SPIRE2: variants seen among roughly 807,000 people sequenced by gnomAD.
The protein encoded by SPIRE2 is protein spire homolog 2.
In SPIRE2, 76 loss-of-function variants were observed where a neutral mutation model predicts 80.7. That is an observed-to-expected ratio of 0.94 (90% CI 0.78 to 1.14). The LOEUF (loss-of-function observed/expected upper bound fraction) is 1.14, where lower values mean the gene tolerates loss of function less well. Ranked by LOEUF, SPIRE2 falls within the 50% of genes most tolerant of loss-of-function variation. The probability of loss-of-function intolerance (pLI) is 0.00; values close to 1 mark genes in which losing one functional copy is unlikely to be tolerated. For synonymous variants in SPIRE2, 535 were observed against 432.6 expected, an observed-to-expected ratio of 1.24 and a Z score of -2.94; for missense variants, 1,196 against 1,015.3, an observed-to-expected ratio of 1.18 and a Z score of -2.42.
At chr16:89,839,734 C>T (rs773097634) in intron 1 of SPIRE2, among the ~76,000 whole-genome samples, 45 of 152,330 alleles carry the variant, frequency 3.0e-4, no homozygotes, top group Non-Finnish European at 5.9e-4. Flanking sequence ...TGAGGTCTTC[C>T]TCTGGGGGTG....
intron 1 of SPIRE2, among the ~76,000 whole-genome samples, chr16:89,837,160 A>G (rs1391577184): frequency 6.6e-6 from 1 of 152,094 alleles, no homozygotes; most frequent in Non-Finnish European, 1.5e-5. Context: ...AGGCCTGTTA[A>G]ATCCAGATCC....
In SPIRE2 at chr16:89,850,496, G is replaced by A. The variant is rs775449867; in HGVS notation, c.481G>A (p.Val161Ile). The A allele has an allele frequency of 5.6e-5, 85 of 1,528,308 alleles. No homozygotes were observed. The highest frequency in any genetic ancestry group is 1.7e-4 in the Middle Eastern group (1 of 5,872). 94.7% of individuals were successfully genotyped at this position (1,528,308 alleles called of 1,614,324 possible). A position where few individuals can be genotyped will look rare whatever the true frequency, so the allele number is the denominator to read the frequency against. ...CGAGGAGGAGGAGGAGGCCGAGGGC[G>A]TCCCCCGCAGCGTGCGCACCTTTGC... ...GPEEEEEAEG[V>I]PRSVRTFAQA... Residue 161 changes from valine (V) to isoleucine (I), a missense_variant, in exon 3 of 15, where the codon GTC becomes ATC. Val to Ile is a conservative substitution (Grantham distance 29, BLOSUM62 3). Transcript: ENST00000378247.
chr16:89,835,828 G>A lies in SPIRE2; in HGVS notation c.244+7034G>A, dbSNP rs568026523. On this transcript the variant is annotated intron_variant, in intron 1 of 14. Coordinates refer to ENST00000378247, the MANE Select transcript of SPIRE2 (RefSeq NM_032451.2). ...ATTCCAAAGACCCCTTCATTCCAGC[G>A]CGTGTGTCTCTCTGGGACTGAGGAG... Among the ~76,000 whole-genome samples the A allele has an allele frequency of 6.5e-4, 99 of 152,252 alleles. No homozygotes were observed. The Middle Eastern group carries it at 0.014, about 21-fold the overall frequency.
Position 89,850,625 on chromosome 16 carries a change from C to T in SPIRE2, c.610C>T (p.Arg204Trp), listed in dbSNP as rs1393375534. 8 of 1,345,358 alleles carry T rather than the reference C, an allele frequency of 5.9e-6. No homozygotes were observed. Among genetic ancestry groups the T allele is most frequent in the African/African-American group, 3.0e-5 (2 of 66,026 alleles). The allele number at this position is 1,345,358 out of a possible 1,614,324, so 83.3% of individuals were successfully genotyped here. A position where few individuals can be genotyped will look rare whatever the true frequency, so the allele number is the denominator to read the frequency against. The change falls in exon 3 of 15, where the codon CGG becomes TGG. Residue 204 changes from arginine to tryptophan, a missense_variant. Coordinates refer to ENST00000378247, the MANE Select transcript of SPIRE2 (RefSeq NM_032451.2). ...RALFVETLEL[R>W]AFLARVREAK... ...GCTCTTCGTGGAGACGCTGGAGCTG[C>T]GGGCCTTCCTGGCCAGGGTCCGGGA...
chr16:89,857,364 G>A (rs1033035879), intron 7 of SPIRE2, among the ~76,000 whole-genome samples: 2 of 151,318 alleles, frequency 1.3e-5, no homozygotes, highest in African/African-American at 2.4e-5. Flanking sequence ...TTGAACTCGT[G>A]GGCTCAAGTG....
chr16:89,868,652 A>G (rs1451263969), intron 13 of SPIRE2, among the ~76,000 whole-genome samples: 3 of 152,042 alleles, frequency 2.0e-5, no homozygotes, highest in Admixed American at 1.3e-4. Flanking sequence ...GGACCACTTG[A>G]GACCAGCCTG....
chr16:89,828,728 C>T lies in SPIRE2; in HGVS notation c.178C>T (p.Arg60Trp), dbSNP rs1369956266. 4.0e-6 allele frequency: 5 copies of T among 1,243,344 alleles called. No homozygotes were observed. The highest frequency in any genetic ancestry group is 6.1e-5 in the South Asian group (2 of 32,822). The allele number at this position is 1,243,344 out of a possible 1,614,324, so 77.0% of individuals were successfully genotyped here. ...GCGGGGCTCGCCGGGCCGGCGCCTGCGGGATACCGGGGACCTCCTGCTGCG... is the reference window on the plus strand; with the variant it reads ...GCGGGGCTCGCCGGGCCGGCGCCTGTGGGATACCGGGGACCTCCTGCTGCG... ...GLRGSPGRRL[R>W]DTGDLLLRGD... Residue 60 changes from arginine to tryptophan, a missense_variant, in exon 1 of 15, where the codon CGG becomes TGG. Arg to Trp is a moderately radical substitution (Grantham distance 101, BLOSUM62 -3). Coordinates refer to ENST00000378247, the MANE Select transcript of SPIRE2 (RefSeq NM_032451.2). This position sits in a 1 kb window ranked among gnomAD's most constrained non-coding sequence, Gnocchi z 5.9.
rs369534032 is a variant in SPIRE2 at position 89,830,617 on chromosome 16, A to G, written c.244+1823A>G. Among the ~76,000 whole-genome samples the G allele has an allele frequency of 2.0e-5, 3 of 151,184 alleles. No homozygotes were observed. The East Asian group carries it at 5.8e-4, about 29-fold the overall frequency. On this transcript the variant is annotated intron_variant, in intron 1 of 14. Coordinates refer to ENST00000378247, the MANE Select transcript of SPIRE2 (RefSeq NM_032451.2). ...TGTAGATATCAATAGGAAAACATCCAATCTCACTTGTTGGCATTGTAGTCT... is the reference window on the plus strand; with the variant it reads ...TGTAGATATCAATAGGAAAACATCCGATCTCACTTGTTGGCATTGTAGTCT...
chr16:89,861,499 C>G (rs573909346), intron 10 of SPIRE2, among the ~76,000 whole-genome samples: 4 of 152,298 alleles, frequency 2.6e-5, no homozygotes, highest in Admixed American at 2.0e-4. Flanking sequence ...TAGCCTAGGT[C>G]GTATCCCACC....
intron 1 of SPIRE2, among the ~76,000 whole-genome samples, chr16:89,834,723 C>T (rs548362086): frequency 1.1e-4 from 13 of 115,228 alleles, no homozygotes; most frequent in East Asian, 2.5e-4. Flanking sequence ...AAGCATAGCC[C>T]GTGTGAATCT....
intron 9 of SPIRE2, among the ~76,000 whole-genome samples, chr16:89,859,833 C>T (rs1597222082): frequency 1.3e-5 from 2 of 152,160 alleles, no homozygotes; most frequent in African/African-American, 4.8e-5. Context: ...GAGGGCTGAA[C>T]TTTACGGAGA....
chr16:89,832,924 C>T (rs536962050), intron 1 of SPIRE2, among the ~76,000 whole-genome samples: 126 of 151,474 alleles, frequency 8.3e-4, no homozygotes, highest in African/African-American at 2.8e-3. Context: ...TGAGTTCAAG[C>T]GATTCTCCTG....
intron 5 of SPIRE2, among the ~76,000 whole-genome samples, chr16:89,854,918 C>A (rs1283801611): frequency 6.6e-6 from 1 of 150,626 alleles, no homozygotes; most frequent in African/African-American, 2.4e-5. Flanking sequence ...CCCTGGAGGC[C>A]ACAAGAGCCA....
chr16:89,860,927 G>C (rs374427177), intron 10 of SPIRE2, 132 bp downstream of exon 10: 36 of 578,230 alleles, frequency 6.2e-5, no homozygotes, highest in African/African-American at 3.1e-4. Flanking sequence ...GTCCGTCTGG[G>C]GGGGCGCGGT....
At chr16:89,854,054 G>A (rs569153990) in intron 3 of SPIRE2, among the ~76,000 whole-genome samples, 1 of 152,282 alleles carries the variant, frequency 6.6e-6, no homozygotes, top group Non-Finnish European at 1.5e-5. Flanking sequence ...CTGAGGAAAT[G>A]CTGTGTGGAC....
intron 1 of SPIRE2, among the ~76,000 whole-genome samples, chr16:89,837,638 G>C (rs1191899421): frequency 1.3e-5 from 2 of 152,224 alleles, no homozygotes; most frequent in Non-Finnish European, 2.9e-5. Context: ...GGGATCAGGG[G>C]CACTGCTGAG....
chr16:89,863,410 A>G lies in SPIRE2; in HGVS notation c.1576-66A>G. 1 of 1,591,050 alleles carries G rather than the reference A, an allele frequency of 6.3e-7. No homozygotes were observed. ...GAGGCCAGGGAGGGTTAGGGTCCTC[A>G]GGGAAGGAGAGTAAGCTAGGGGAGC... On this transcript the variant is annotated intron_variant, in intron 10 of 14. Transcript: ENST00000378247. This position sits in a 1 kb window ranked among gnomAD's most constrained non-coding sequence, Gnocchi z 4.3.
intron 9 of SPIRE2, among the ~76,000 whole-genome samples, chr16:89,859,939 A>G (rs189919034): frequency 2.0e-5 from 3 of 152,302 alleles, no homozygotes; most frequent in Admixed American, 2.0e-4. Context: ...GTCTCGGGAC[A>G]ATCGTGTTTG....
chr16:89,844,107 C>T (rs992062722), intron 1 of SPIRE2, among the ~76,000 whole-genome samples: 3 of 150,708 alleles, frequency 2.0e-5, no homozygotes, highest in Non-Finnish European at 3.0e-5. Context: ...GAGGTCCTCC[C>T]GAGTAGCAGG....
Sources: gnomAD v4.1 joint callset for allele counts (sites outside exome capture counted in the v4.1 genomes callset) on GRCh38, gnomAD v4.1.1 for gene constraint, Gnocchi (gnomAD v3.1) non-coding constraint, MANE v1.5 for transcripts, NCBI Gene and HGNC (gene_info 2026-07-23, HGNC 2026-07-21) for gene names.